KIAA0825: variants seen among roughly 807,000 people sequenced by gnomAD.
The protein encoded by KIAA0825 is uncharacterized protein KIAA0825.
A neutral mutation model predicts 147.6 loss-of-function variants in KIAA0825; 119 were observed. The ratio of observed to expected loss-of-function variants is 0.81; its 90% CI spans 0.69 to 0.94. The LOEUF is 0.94. Among genes scored for constraint, KIAA0825 ranks in the 40% least tolerant of loss-of-function variants. The pLI, the probability that KIAA0825 is intolerant of heterozygous loss-of-function variation, is 0.00. For synonymous variants in KIAA0825, 470 were observed against 518.1 expected, an observed-to-expected ratio of 0.91 and a Z score of 1.26; for missense variants, 1,381 against 1,472.7, an observed-to-expected ratio of 0.94 and a Z score of 1.02.
intron 2 of KIAA0825, among the ~76,000 whole-genome samples, chr5:94,547,797 T>C: frequency 6.9e-6 from 1 of 145,422 alleles, no homozygotes; most frequent in Admixed American, 6.9e-5. Flanking sequence ...ACAACGGAGC[T>C]CCAGTATGTC....
intron 14 of KIAA0825, among the ~76,000 whole-genome samples, chr5:94,427,877 C>G (rs1458612168): frequency 1.4e-4 from 22 of 152,054 alleles, no homozygotes; most frequent in Non-Finnish European, 3.1e-4. Context: ...TTTTGTGAAC[C>G]TGGGTGCTCC....
At chr5:94,480,818 A>AT (rs1480791601) in intron 6 of KIAA0825, among the ~76,000 whole-genome samples, 1 of 152,096 alleles carries the variant, frequency 6.6e-6, no homozygotes, top group East Asian at 1.9e-4. Context: ...AGCCTTTAAA[A>AT]TATAATCCCT....
At chr5:94,209,182 CTG>C (rs1374643744) in intron 20 of KIAA0825, among the ~76,000 whole-genome samples, 1 of 152,170 alleles carries the variant, frequency 6.6e-6, no homozygotes. Context: ...GTAACTCTGA[CTG>C]TTTGAATTTG....
At chr5:94,415,295 G>A (rs1440974549) in intron 15 of KIAA0825, 1 of 152,064 alleles carries the variant, frequency 6.6e-6, no homozygotes, top group Non-Finnish European at 1.5e-5. Flanking sequence ...ATCTGGGTAG[G>A]TTAATTATAG....
intron 13 of KIAA0825, among the ~76,000 whole-genome samples, chr5:94,449,905 C>A (rs1311144063): frequency 6.6e-6 from 1 of 151,872 alleles, no homozygotes; most frequent in Non-Finnish European, 1.5e-5. Flanking sequence ...ATGGTGAAAC[C>A]CTGTCTCTAC....
intron 20 of KIAA0825, among the ~76,000 whole-genome samples, chr5:94,249,671 T>G (rs1007257886): frequency 6.6e-6 from 1 of 152,118 alleles, no homozygotes; most frequent in Non-Finnish European, 1.5e-5. Context: ...GGCTGAGGTC[T>G]CAGCTCAAAT....
chr5:94,205,268 C>CATATATATATAT (rs5869623), intron 20 of KIAA0825, among the ~76,000 whole-genome samples: 1,260 of 90,090 alleles, frequency 0.014, 14 homozygotes, highest in African/African-American at 0.024. Flanking sequence ...ACTATTTAAT[C>CATATATATATAT]ATATATATAT....
intron 20 of KIAA0825, among the ~76,000 whole-genome samples, chr5:94,159,976 T>A (rs1767398896): frequency 6.6e-6 from 1 of 152,212 alleles, no homozygotes; most frequent in Non-Finnish European, 1.5e-5. Flanking sequence ...CAAATTGTTC[T>A]ACCAATATAT....
intron 15 of KIAA0825, among the ~76,000 whole-genome samples, chr5:94,408,311 G>C (rs1399182500): frequency 6.6e-6 from 1 of 152,090 alleles, no homozygotes; most frequent in Non-Finnish European, 1.5e-5. Context: ...TGTGCAATCA[G>C]AGTGAATCCT....
intron 20 of KIAA0825, among the ~76,000 whole-genome samples, chr5:94,305,650 A>G (rs1284137860): frequency 4.6e-5 from 7 of 152,014 alleles, no homozygotes; most frequent in African/African-American, 1.4e-4. Flanking sequence ...AGAATATATA[A>G]TAAATATGCA....
At chr5:94,459,299 A>G (rs918554611) in intron 12 of KIAA0825, among the ~76,000 whole-genome samples, 2 of 152,236 alleles carry the variant, frequency 1.3e-5, no homozygotes, top group African/African-American at 4.8e-5. Context: ...TGGACATAAC[A>G]TTTTGAACAC....
intron 14 of KIAA0825, among the ~76,000 whole-genome samples, chr5:94,419,718 T>C (rs1247635342): frequency 1.3e-5 from 2 of 152,142 alleles, no homozygotes; most frequent in Non-Finnish European, 1.5e-5. Flanking sequence ...TGTGCAAATA[T>C]GTGTATATTT....
intron 5 of KIAA0825, among the ~76,000 whole-genome samples, chr5:94,487,961 A>C (rs566710389): frequency 4.7e-4 from 71 of 152,210 alleles, no homozygotes; most frequent in African/African-American, 1.6e-3. Context: ...TCAAAAACAA[A>C]ACAAAACAAA....
intron 20 of KIAA0825, among the ~76,000 whole-genome samples, chr5:94,166,762 C>A (rs1015538573): frequency 5.3e-5 from 8 of 151,978 alleles, no homozygotes; most frequent in African/African-American, 1.9e-4. Context: ...CCTGCCTCAG[C>A]CTCCCAAAGT....
At chr5:94,292,505 T>C (rs570129768) in intron 20 of KIAA0825, among the ~76,000 whole-genome samples, 19 of 152,216 alleles carry the variant, frequency 1.2e-4, no homozygotes, top group African/African-American at 4.3e-4. Flanking sequence ...TGGATTCAGT[T>C]TGCAAGTATT....
intron 11 of KIAA0825, among the ~76,000 whole-genome samples, chr5:94,464,374 TA>T (rs1562523243): frequency 6.6e-6 from 1 of 152,156 alleles, no homozygotes; most frequent in African/African-American, 2.4e-5. Context: ...ATAGTGAAAA[TA>T]AAAGGAAAAA....
At chr5:94,164,856 A>G (rs1269180997) in intron 20 of KIAA0825, among the ~76,000 whole-genome samples, 1 of 152,206 alleles carries the variant, frequency 6.6e-6, no homozygotes, top group Non-Finnish European at 1.5e-5. Flanking sequence ...AAAAAAATCA[A>G]ATCAAAATGG....
intron 20 of KIAA0825, among the ~76,000 whole-genome samples, chr5:94,184,572 T>G (rs1192551821): frequency 6.6e-6 from 1 of 152,190 alleles, no homozygotes; most frequent in Non-Finnish European, 1.5e-5. Flanking sequence ...ATAGACTCTA[T>G]CTTGTCTATA....
chr5:94,211,050 C>T (rs894683593), intron 20 of KIAA0825, among the ~76,000 whole-genome samples: 1 of 152,136 alleles, frequency 6.6e-6, no homozygotes, highest in Non-Finnish European at 1.5e-5. Context: ...ATACTATCAA[C>T]AAAGATCAAA....
Sources: allele counts gnomAD v4.1 joint callset (sites outside exome capture counted in the v4.1 genomes callset), GRCh38; gene constraint gnomAD v4.1.1; transcripts MANE v1.5; gene names NCBI Gene and HGNC (gene_info 2026-07-23, HGNC 2026-07-21).